Variants in ACTR3C observed in about 807,000 individuals in gnomAD.
ACTR3C encodes actin related protein 3C, also known as actin-related protein 3C.
Under a neutral mutation model 26.3 loss-of-function variants are expected in ACTR3C, and 18 were observed. The observed-to-expected ratio is 0.68, with a 90% CI of 0.47 to 1.01. ACTR3C has a LOEUF of 1.01. Among genes scored for constraint, ACTR3C ranks in the 50% least tolerant of loss-of-function variants. The pLI, the probability that ACTR3C is intolerant of heterozygous loss-of-function variation, is 0.00. For missense variants in ACTR3C, 184 were observed against 250.7 expected (o/e 0.73, Z 1.80); for synonymous variants, 55 against 94.5 (o/e 0.58, Z 2.42).
At chr7:149,948,733 C>T in the ACTR3C span, among the ~76,000 whole-genome samples, 2 of 152,186 alleles carry the variant, frequency 1.3e-5, no homozygotes, top group African/African-American at 2.4e-5. Context: ...TCAGACTTTG[C>T]GGGCCACAGC....
chr7:150,041,619 T>C, the ACTR3C span, among the ~76,000 whole-genome samples: 32 of 93,432 alleles, frequency 3.4e-4, no homozygotes, highest in Non-Finnish European at 5.0e-4. Context: ...TCTCAGTCCC[T>C]GCCTCGCGGG....
At chr7:150,185,302 T>C in the ACTR3C span, among the ~76,000 whole-genome samples, 1 of 152,086 alleles carries the variant, frequency 6.6e-6, no homozygotes, top group Non-Finnish European at 1.5e-5. Context: ...TGTGTGTGTG[T>C]GTGTGTGTGT....
the ACTR3C span, among the ~76,000 whole-genome samples, chr7:150,202,435 A>C: frequency 1.3e-5 from 2 of 152,146 alleles, no homozygotes; most frequent in African/African-American, 4.8e-5. Context: ...GGGATGAGAA[A>C]CTCAGCATGT....
At chr7:150,088,505 G>T in the ACTR3C span, among the ~76,000 whole-genome samples, 3 of 152,144 alleles carry the variant, frequency 2.0e-5, no homozygotes, top group African/African-American at 7.2e-5. Context: ...TGAATATATG[G>T]ACTAAACCTG....
the ACTR3C span, among the ~76,000 whole-genome samples, chr7:150,064,967 C>T: frequency 6.6e-6 from 1 of 152,030 alleles, no homozygotes; most frequent in African/African-American, 2.4e-5. Context: ...TTAAAGCATT[C>T]AGTCTGTGCC....
the ACTR3C span, among the ~76,000 whole-genome samples, chr7:150,202,647 G>A: frequency 1.3e-5 from 2 of 152,126 alleles, no homozygotes; most frequent in African/African-American, 2.4e-5. Flanking sequence ...TTCCAGAAAG[G>A]AAAATACAGG....
At chr7:150,253,888 G>T (rs1188922829) in intron 6 of ACTR3C, among the ~76,000 whole-genome samples, 5 of 150,118 alleles carry the variant, frequency 3.3e-5, no homozygotes, top group African/African-American at 1.0e-4. Context: ...TTGCAGGGTT[G>T]CTAAGTACAG....
At chr7:149,891,609 G>A in the ACTR3C span, among the ~76,000 whole-genome samples, 106 of 151,846 alleles carry the variant, frequency 7.0e-4, 1 homozygote, top group Non-Finnish European at 1.1e-3. Flanking sequence ...AGGCTCACCC[G>A]AGCCCAGGAG....
the ACTR3C span, among the ~76,000 whole-genome samples, chr7:149,997,596 T>C: frequency 4.6e-5 from 7 of 151,794 alleles, no homozygotes; most frequent in Non-Finnish European, 7.4e-5. Flanking sequence ...TGAATGGACA[T>C]TATTGCAATT....
chr7:149,928,178 A>T, the ACTR3C span, among the ~76,000 whole-genome samples: 1 of 150,436 alleles, frequency 6.6e-6, no homozygotes, highest in Non-Finnish European at 1.5e-5. Flanking sequence ...ACAAAAAGAT[A>T]TCCTTGCTTT....
chr7:150,251,682 A>G (rs1832862841), intron 6 of ACTR3C, among the ~76,000 whole-genome samples: 1 of 152,088 alleles, frequency 6.6e-6, no homozygotes, highest in Non-Finnish European at 1.5e-5. Context: ...AATTAGATTT[A>G]GGATTGTATT....
the ACTR3C span, among the ~76,000 whole-genome samples, chr7:150,120,764 C>T: frequency 1.5e-4 from 23 of 152,286 alleles, no homozygotes; most frequent in South Asian, 4.1e-3. Context: ...GATACCAAAA[C>T]CTGGCAGAGA....
the ACTR3C span, among the ~76,000 whole-genome samples, chr7:150,143,443 T>C: frequency 1.6e-4 from 24 of 152,240 alleles, no homozygotes; most frequent in East Asian, 4.0e-3. Flanking sequence ...GTTGGCTTTT[T>C]GCAAACATAA....
chr7:149,910,626 C>CTTA, the ACTR3C span, among the ~76,000 whole-genome samples: 3 of 151,952 alleles, frequency 2.0e-5, no homozygotes, highest in Admixed American at 2.0e-4. Context: ...TGTAATAATG[C>CTTA]TTATTATTAT....
chr7:150,033,836 G>A, the ACTR3C span, among the ~76,000 whole-genome samples: 3 of 151,964 alleles, frequency 2.0e-5, no homozygotes, highest in Non-Finnish European at 4.4e-5. Context: ...CTGCCTCGTG[G>A]GGGGTGCCTC....
At chr7:149,919,634 G>A in the ACTR3C span, among the ~76,000 whole-genome samples, 1 of 151,982 alleles carries the variant, frequency 6.6e-6, no homozygotes, top group Admixed American at 6.6e-5. Context: ...AGTACAGAAA[G>A]TGAATTTAGT....
the ACTR3C span, among the ~76,000 whole-genome samples, chr7:150,203,455 G>A: frequency 2.0e-5 from 3 of 152,184 alleles, no homozygotes; most frequent in Non-Finnish European, 4.4e-5. Flanking sequence ...CAACTCTGCC[G>A]TGAATCCTTT....
chr7:150,087,348 T>C, the ACTR3C span, among the ~76,000 whole-genome samples: 2 of 152,164 alleles, frequency 1.3e-5, no homozygotes, highest in Admixed American at 1.3e-4. Context: ...TAAAATGAAG[T>C]AGGAGAGATT....
chr7:150,316,862 C>T (rs976521002), intron 1 of ACTR3C, among the ~76,000 whole-genome samples: 5 of 152,056 alleles, frequency 3.3e-5, no homozygotes, highest in Non-Finnish European at 7.4e-5. Context: ...TAGGGAGAAC[C>T]GATATCTTTT....
Sources: allele counts gnomAD v4.1 joint callset (sites outside exome capture counted in the v4.1 genomes callset), GRCh38; gene constraint gnomAD v4.1.1; transcripts MANE v1.5; gene names NCBI Gene and HGNC (gene_info 2026-07-23, HGNC 2026-07-21).